NHS: variants seen among roughly 807,000 people sequenced by gnomAD.
NHS encodes the protein NHS actin remodeling regulator.
A neutral mutation model predicts 72.5 loss-of-function variants in NHS; 5 were observed. The observed-to-expected ratio is 0.07, with a 90% CI of 0.04 to 0.14. The LOEUF (loss-of-function observed/expected upper bound fraction) is 0.14. Among genes scored for constraint, NHS ranks in the 10% least tolerant of loss-of-function variants. The pLI, the probability that NHS is intolerant of heterozygous loss-of-function variation, is 1.00. For missense variants in NHS, 1,072 were observed against 1,355.7 expected, an observed-to-expected ratio of 0.79 and a Z score of 3.29; for synonymous variants, 464 against 547.7, an observed-to-expected ratio of 0.85 and a Z score of 2.13.
At chrX:17,565,791 T>C (rs1244483974) in intron 1 of NHS, among the ~76,000 whole-genome samples, 1 of 112,277 alleles carries the variant, frequency 8.9e-6, no homozygotes, top group Non-Finnish European at 1.9e-5. Context: ...GTTCTGCCCA[T>C]GAATATACGC....
At chrX:17,554,152 T>A (rs539213371) in intron 1 of NHS, among the ~76,000 whole-genome samples, 2 of 112,227 alleles carry the variant, frequency 1.8e-5, no homozygotes, top group African/African-American at 6.5e-5. Flanking sequence ...ATGTCCATAT[T>A]TGTCTCCCTC....
Position 17,540,601 on chromosome X carries a change from G to A in NHS, c.566-147141G>A, listed in dbSNP as rs148919696. Among the ~76,000 whole-genome samples, 633 of 111,911 alleles carry A rather than the reference G, an allele frequency of 5.7e-3. 4 individuals are homozygous for A. The highest frequency in any genetic ancestry group is 0.02 in the African/African-American group (619 of 30,806). Reference sequence around the variant, plus strand: ...TGATTTGGGTGGTGGAGAGAGGGTGGGCAGAAGAGAACAGAAATGATGAAA... The same window carrying A: ...TGATTTGGGTGGTGGAGAGAGGGTGAGCAGAAGAGAACAGAAATGATGAAA... On this transcript the variant is annotated intron_variant, in intron 1 of 8. Coordinates refer to ENST00000676302, the MANE Select transcript of NHS (RefSeq NM_001291867.2).
intron 1 of NHS, among the ~76,000 whole-genome samples, chrX:17,448,573 G>T (rs376197489): frequency 6.3e-4 from 71 of 111,987 alleles, no homozygotes; most frequent in African/African-American, 2.3e-3. Flanking sequence ...TGAACCCGGT[G>T]TGCACTCAGG....
At chrX:17,474,100 T>C (rs181027293) in intron 1 of NHS, among the ~76,000 whole-genome samples, 1,147 of 111,234 alleles carry the variant, frequency 0.01, 16 homozygotes, top group African/African-American at 0.035. Flanking sequence ...CAAGTAGGCC[T>C]CAGTGCCTGT....
intron 1 of NHS, among the ~76,000 whole-genome samples, chrX:17,647,763 T>C (rs1042999468): frequency 8.9e-6 from 1 of 112,011 alleles, no homozygotes; most frequent in African/African-American, 3.3e-5. Context: ...TGATTGTTTC[T>C]TGAGGGAGGC....
intron 1 of NHS, among the ~76,000 whole-genome samples, chrX:17,647,209 C>A (rs1464733847): frequency 8.9e-6 from 1 of 112,528 alleles, no homozygotes; most frequent in Non-Finnish European, 1.9e-5. Flanking sequence ...TAATATGTTA[C>A]CCCAGCATTT....
chrX:17,649,209 A>G (rs1476682606), intron 1 of NHS, among the ~76,000 whole-genome samples: 1 of 112,317 alleles, frequency 8.9e-6, no homozygotes, highest in South Asian at 3.7e-4. Flanking sequence ...AAAAATTCCA[A>G]GACAATTATT....
chrX:17,691,047 T>C (rs2066192551), intron 2 of NHS, among the ~76,000 whole-genome samples: 1 of 111,735 alleles, frequency 8.9e-6, no homozygotes, highest in Non-Finnish European at 1.9e-5. Context: ...TCTCCCTACC[T>C]CAGCACCAGA....
chrX:17,641,755 G>A (rs866852589), intron 1 of NHS, among the ~76,000 whole-genome samples: 14 of 102,079 alleles, frequency 1.4e-4, no homozygotes, highest in African/African-American at 5.5e-4. Flanking sequence ...TCCCAAGTGT[G>A]TCTATTTAAA....
At chrX:17,415,730 A>G (rs937419854) in intron 1 of NHS, among the ~76,000 whole-genome samples, 3 of 112,094 alleles carry the variant, frequency 2.7e-5, no homozygotes, top group Admixed American at 9.5e-5. Context: ...AAGGGAGAGT[A>G]TGGCACAAAC....
rs1026570558 is a variant in NHS, at chrX:17,400,120, A to G, written c.565+23798A>G. Among the ~76,000 whole-genome samples, 4 of 111,928 alleles carry G rather than the reference A, an allele frequency of 3.6e-5. No homozygotes were observed. In the Admixed American group the frequency reaches 3.8e-4, roughly 11 times the overall value. On this transcript the variant is annotated intron_variant, in intron 1 of 8. Transcript: ENST00000676302. ...CATCCAATTGGAAAAGCAGAAGTAA[A>G]AGCATCTTTACTCACAGATGACATA...
chrX:17,462,154 G>A (rs913496992), intron 1 of NHS, among the ~76,000 whole-genome samples: 1 of 111,475 alleles, frequency 9.0e-6, no homozygotes, highest in African/African-American at 3.3e-5. Context: ...CCAAGTTAGA[G>A]AGTATAATAG....
chrX:17,632,813 G>A (rs1239799726), intron 1 of NHS, among the ~76,000 whole-genome samples: 7 of 111,727 alleles, frequency 6.3e-5, no homozygotes, highest in Admixed American at 5.7e-4. Flanking sequence ...TATTATTATT[G>A]TTGTTGCTAT....
At chrX:17,542,985 G>C (rs1025236096) in intron 1 of NHS, among the ~76,000 whole-genome samples, 4 of 112,174 alleles carry the variant, frequency 3.6e-5, no homozygotes, top group African/African-American at 1.3e-4. Context: ...ATGATTACTT[G>C]TATATTATTA....
At chrX:17,395,827 AG>A (rs1338878180) in intron 1 of NHS, among the ~76,000 whole-genome samples, 43 of 112,529 alleles carry the variant, frequency 3.8e-4, no homozygotes, top group Non-Finnish European at 5.6e-4. Flanking sequence ...TAATTGCAAA[AG>A]TAAATAACAG....
At chrX:17,410,778 A>AAATTTTGCCT (rs1671745297) in intron 1 of NHS, among the ~76,000 whole-genome samples, 1 of 111,101 alleles carries the variant, frequency 9.0e-6, no homozygotes, top group Admixed American at 9.6e-5. Flanking sequence ...CCTTGCTCCA[A>AAATTTTGCCT]AATTTTGCCT....
chrX:17,679,932 T>C (rs2066115750), intron 1 of NHS, among the ~76,000 whole-genome samples: 1 of 111,197 alleles, frequency 9.0e-6, no homozygotes, highest in South Asian at 3.8e-4. Flanking sequence ...TGATGATATG[T>C]ATACTCTAAG....
chrX:17,451,064 C>T (rs1331509580), intron 1 of NHS, among the ~76,000 whole-genome samples: 1 of 111,451 alleles, frequency 9.0e-6, no homozygotes, highest in Admixed American at 9.5e-5. Flanking sequence ...TCAAATAGTA[C>T]AACAAAAAGA....
intron 1 of NHS, among the ~76,000 whole-genome samples, chrX:17,482,883 T>C (rs2064951979): frequency 8.9e-6 from 1 of 112,018 alleles, no homozygotes; most frequent in African/African-American, 3.2e-5. Flanking sequence ...AATTAGAGAG[T>C]AGAATGGTAT....
Sources: allele counts gnomAD v4.1 joint callset (sites outside exome capture counted in the v4.1 genomes callset), GRCh38; gene constraint gnomAD v4.1.1; transcripts MANE v1.5; gene names NCBI Gene and HGNC (gene_info 2026-07-23, HGNC 2026-07-21).